Variants in KEAP1 observed in about 807,000 individuals in gnomAD.
KEAP1 encodes the protein kelch-like ECH-associated protein 1.
A neutral mutation model predicts 59.7 loss-of-function variants in KEAP1; 26 were observed. The ratio of observed to expected loss-of-function variants is 0.44; its 90% CI spans 0.32 to 0.60. The LOEUF is 0.60. Ranked by LOEUF, KEAP1 falls within the 20% of genes least tolerant of loss-of-function variation. The pLI is 0.06. For synonymous variants in KEAP1, 350 were observed against 358.3 expected, an observed-to-expected ratio of 0.98 and a Z score of 0.26; for missense variants, 539 against 871.4, an observed-to-expected ratio of 0.62 and a Z score of 4.80.
At position 10,489,256 on chromosome 19, in the gene KEAP1, G is replaced by A. The variant is rs1422272761; in HGVS notation, c.1644C>T (p.Ala548=). ...DVETETWTFV[A]PMKHRRSALG... ...GGGCACTTCGCCGGTGCTTCATGGG[G>A]GCTACGAAAGTCCACGTCTCTGTTT... Residue 548 remains alanine (A), a synonymous_variant, in exon 5 of 6, where the codon GCC becomes GCT. Coordinates refer to ENST00000171111, the MANE Select transcript of KEAP1 (RefSeq NM_203500.2). The A allele has an allele frequency of 1.2e-6, 2 of 1,613,058 alleles. No homozygotes were observed.
At chr19:10,501,846 G>C (rs561288943) in intron 1 of KEAP1, among the ~76,000 whole-genome samples, 1 of 152,146 alleles carries the variant, frequency 6.6e-6, no homozygotes, top group African/African-American at 2.4e-5. Flanking sequence ...GTGCCCAGAC[G>C]TGAGTTACGT....
Position 10,499,572 on chromosome 19 carries a change from G to A in KEAP1, c.462C>T (p.His154=), listed in dbSNP as rs1196187843. The A allele has an allele frequency of 3.6e-5, 58 of 1,614,026 alleles. No homozygotes were observed. The highest frequency in any genetic ancestry group is 4.7e-5 in the Non-Finnish European group (56 of 1,180,052). ...GGTACATGACAGCACCGTTCATGAC[G>A]TGGAGGACACACTTCTCGCCCATGG... ...SISMGEKCVL[H]VMNGAVMYQI... is the part of the protein sequence containing the mutation. The change falls in exon 2 of 6, where the codon CAC becomes CAT. Residue 154 remains histidine, a synonymous_variant. Coordinates refer to ENST00000171111, the MANE Select transcript of KEAP1 (RefSeq NM_203500.2). This position sits in a 1 kb window ranked among gnomAD's most constrained non-coding sequence, Gnocchi z 6.7.
chr19:10,488,352 C>G (rs998425415), intron 5 of KEAP1, among the ~76,000 whole-genome samples: 5 of 151,952 alleles, frequency 3.3e-5, no homozygotes, highest in African/African-American at 1.2e-4. Flanking sequence ...GTGGCTCACA[C>G]CTGTAATCCC....
In KEAP1 at chr19:10,486,501, T is replaced by G. The variant is rs1914465562; in HGVS notation, c.*151A>C. ...CATGATTCCCGCTTTGGACTTCTTT[T>G]GAGATGTCATTTTAACACTGAGGCA... On this transcript the variant is annotated 3_prime_UTR_variant, in exon 6 of 6. Coordinates refer to ENST00000171111, the MANE Select transcript of KEAP1 (RefSeq NM_203500.2). 3 of 787,920 alleles carry G rather than the reference T, an allele frequency of 3.8e-6. No homozygotes were observed. In the East Asian group the frequency reaches 7.4e-5, roughly 20 times the overall value. 48.8% of individuals were successfully genotyped at this position (787,920 alleles called of 1,614,324 possible). A position where few individuals can be genotyped will look rare whatever the true frequency, so the allele number is the denominator to read the frequency against.
chr19:10,489,093 CTAA>C (rs1402145371), intron 5 of KEAP1, 96 bp downstream of exon 5: 2 of 652,560 alleles, frequency 3.1e-6, no homozygotes, highest in Admixed American at 5.2e-5. Context: ...GACCTTGTTT[CTAA>C]AAAAAAAAAA....
rs2144599415 is a variant in KEAP1 at position 10,491,818 on chromosome 19, G to A, written c.1084C>T (p.Arg362Trp). ...WLRLADLQVP[R>W]SGLAGCVVGG... The stretch of plus-strand genomic sequence containing the variant: ...ACCACGCAGCCGGCCAGGCCGCTCC[G>A]CGGCACCTGCAGGTCCGCCAACCGG... Residue 362 changes from arginine (R) to tryptophan (W), a missense_variant, in exon 3 of 6, where the codon CGG (arginine) becomes TGG (tryptophan). Arg to Trp is a moderately radical substitution (Grantham distance 101). Around this residue, in one of 4 missense-constraint regions of KEAP1, gnomAD observed 311 missense variants for 425.2 expected, o/e 0.73. Coordinates refer to ENST00000171111, the MANE Select transcript of KEAP1 (RefSeq NM_203500.2). This position sits in a 1 kb window ranked among gnomAD's most constrained non-coding sequence, Gnocchi z 5.2. 1 of 1,601,394 alleles carries A rather than the reference G, an allele frequency of 6.2e-7. No homozygotes were observed. Among genetic ancestry groups the A allele is most frequent in the Non-Finnish European group, 8.5e-7 (1 of 1,174,334 alleles).
Position 10,491,930 on chromosome 19 carries a change from C to T in KEAP1, c.972G>A (p.Val324=), listed in dbSNP as rs1358196910. Residue 324 remains valine (V), a synonymous_variant, in exon 3 of 6, where the codon GTG becomes GTA. Transcript: ENST00000171111. This position sits in a 1 kb window ranked among gnomAD's most constrained non-coding sequence, Gnocchi z 5.2. ...TQVMPCRAPK[V]GRLIYTAGGY... ...CGCCCGCGGTGTAGATCAGGCGGCC[C>T]ACCTTGGGCGCCCGGCAGGGCATCA... 1.2e-6 allele frequency: 2 copies of T among 1,608,652 alleles called. No individual in the cohort carries two copies. The highest frequency in any genetic ancestry group is 2.2e-5 in the East Asian group (1 of 44,530).
intron 2 of KEAP1, among the ~76,000 whole-genome samples, chr19:10,493,563 T>A (rs1363166132): frequency 1.4e-5 from 2 of 142,376 alleles, no homozygotes; most frequent in Non-Finnish European, 3.1e-5. Flanking sequence ...AACTCTTTTT[T>A]TTTTTTTTTT....
rs2144624148 is a variant in KEAP1 at position 10,499,410 on chromosome 19, G to A, written c.624C>T (p.Tyr208=). ...ELHQRAREYI[Y]MHFGEVAKQE... is the part of the protein sequence containing the mutation. ...CCCCGCTCACCTCCCCAAAATGCAT[G>A]TAGATGTACTCCCGGGCACGCTGGT... is the stretch of plus-strand genomic sequence containing the variant. Residue 208 remains tyrosine, a synonymous_variant, in exon 2 of 6, where the codon TAC becomes TAT. Transcript: ENST00000171111. This position sits in a 1 kb window ranked among gnomAD's most constrained non-coding sequence, Gnocchi z 6.7. 3 of 1,605,688 alleles carry A rather than the reference G, an allele frequency of 1.9e-6. No individual in the cohort carries two copies. Among genetic ancestry groups the A allele is most frequent in the Non-Finnish European group, 2.5e-6 (3 of 1,176,558 alleles).
At position 10,496,016 on chromosome 19, in the gene KEAP1, C is replaced by T. The variant is rs945694781; in HGVS notation, c.639+3379G>A. On this transcript the variant is annotated intron_variant, in intron 2 of 5. Transcript: ENST00000171111. ...CCTGGGCAACATAGCGAGACCTCAT[C>T]TCTACCAAGAAAAGATATAAAAATT... Among the ~76,000 whole-genome samples the T allele has an allele frequency of 7.9e-5, 12 of 151,850 alleles. No homozygotes were observed. In the East Asian group the frequency reaches 2.3e-3, roughly 29 times the overall value.
intron 5 of KEAP1, 120 bp from the exon 6 acceptor site, chr19:10,486,938 TA>T: frequency 2.9e-6 from 3 of 1,031,550 alleles, no homozygotes; most frequent in Non-Finnish European, 4.2e-6. Flanking sequence ...GGCTCACGCC[TA>T]TAATCCTAGC....
chr19:10,491,556 C>T lies in KEAP1; in HGVS notation c.1325+21G>A, dbSNP rs1261353130. On this transcript the variant is annotated intron_variant, in intron 3 of 5. Coordinates refer to ENST00000171111, the MANE Select transcript of KEAP1 (RefSeq NM_203500.2). This position sits in a 1 kb window ranked among gnomAD's most constrained non-coding sequence, Gnocchi z 5.2. Reference sequence around the variant, plus strand: ...CCAGGAGCAGGACCCTCCGAGCCCACCCCCAGGCCCTGCCACTCACCTCTC... The same window carrying T: ...CCAGGAGCAGGACCCTCCGAGCCCATCCCCAGGCCCTGCCACTCACCTCTC... The T allele has an allele frequency of 6.7e-7, 1 of 1,496,908 alleles. No homozygotes were observed. Among genetic ancestry groups the T allele is most frequent in the Non-Finnish European group, 8.9e-7 (1 of 1,123,390 alleles). 92.7% of individuals were successfully genotyped at this position (1,496,908 alleles called of 1,614,324 possible).
At chr19:10,492,307 C>G in intron 2 of KEAP1, 45 bp from the exon 3 acceptor site, 1 of 1,434,836 alleles carries the variant, frequency 7.0e-7, no homozygotes, top group Non-Finnish European at 9.7e-7. Context: ...CAGTCACCCC[C>G]ACACCTCACC....
At chr19:10,494,025 T>C (rs1914767173) in intron 2 of KEAP1, among the ~76,000 whole-genome samples, 1 of 152,096 alleles carries the variant, frequency 6.6e-6, no homozygotes, top group Non-Finnish European at 1.5e-5. Context: ...CACTGTAGCC[T>C]TGAACTCCTG....
In KEAP1 at chr19:10,499,496, C is replaced by G. The variant is rs1914962782; in HGVS notation, c.538G>C (p.Asp180His). The G allele has an allele frequency of 6.2e-7, 1 of 1,614,030 alleles. No individual in the cohort carries two copies. The highest frequency in any genetic ancestry group is 8.5e-7 in the Non-Finnish European group (1 of 1,180,042). ...GCGATGCCGATGGCATTGCTGGGGT[C>G]CAGCTGCTGCACCAGGAAGTCACTG... Reference protein sequence around the residue: ...ACSDFLVQQLDPSNAIGIANF... With the variant: ...ACSDFLVQQLHPSNAIGIANF... Residue 180 changes from aspartate to histidine, a missense_variant, in exon 2 of 6, where the codon GAC (aspartate) becomes CAC (histidine). Physicochemically the swap from Asp to His is moderately conservative, Grantham distance 81. This residue lies in a region of KEAP1 where 166 missense variants were observed against 295.8 expected (regional missense o/e 0.56). Coordinates refer to ENST00000171111, the MANE Select transcript of KEAP1 (RefSeq NM_203500.2). The surrounding 1 kb of genome is among the most constrained non-coding windows in gnomAD (Gnocchi z 6.7).
At chr19:10,492,880 G>A (rs1914722191) in intron 2 of KEAP1, among the ~76,000 whole-genome samples, 1 of 151,606 alleles carries the variant, frequency 6.6e-6, no homozygotes, top group South Asian at 2.1e-4. Flanking sequence ...GGAGTGCAGT[G>A]GCATGATCTA....
At chr19:10,501,541 A>G (rs1286489921) in intron 1 of KEAP1, among the ~76,000 whole-genome samples, 1 of 150,264 alleles carries the variant, frequency 6.7e-6, no homozygotes, top group Non-Finnish European at 1.5e-5. Flanking sequence ...GAGGCGGGAG[A>G]AAGGCGTGAA....
Position 10,489,929 on chromosome 19 carries a change from CT to C in KEAP1, c.1326-77del, listed in dbSNP as rs1212329383. 24 of 1,306,286 alleles carry C rather than the reference CT, an allele frequency of 1.8e-5. 1 individual carries two copies. The highest frequency in any genetic ancestry group is 4.3e-5 in the South Asian group (3 of 70,562). 80.9% of individuals were successfully genotyped at this position (1,306,286 alleles called of 1,614,324 possible). ...GTGGAATACTTAAGGGCCAGATACT[CT>C]TTTTTTTCCTTTTTTTTTTCCCCCT... On this transcript the variant is annotated intron_variant, in intron 3 of 5. Transcript: ENST00000171111.
rs1914666057 is a variant in KEAP1, at chr19:10,491,532, C to T, written c.1325+45G>A. On this transcript the variant is annotated intron_variant, in intron 3 of 5. Coordinates refer to ENST00000171111, the MANE Select transcript of KEAP1 (RefSeq NM_203500.2). The surrounding 1 kb of genome is among the most constrained non-coding windows in gnomAD (Gnocchi z 5.2). ...CGGATCTCAGTGTCTTGGGACTTGC[C>T]AGGAGCAGGACCCTCCGAGCCCACC... 1 of 1,447,604 alleles carries T rather than the reference C, an allele frequency of 6.9e-7. No individual in the cohort carries two copies. Among genetic ancestry groups the T allele is most frequent in the African/African-American group, 1.4e-5 (1 of 70,208 alleles). The allele number at this position is 1,447,604 out of a possible 1,614,324, so 89.7% of individuals were successfully genotyped here. A position where few individuals can be genotyped will look rare whatever the true frequency, so the allele number is the denominator to read the frequency against.
Sources: allele counts gnomAD v4.1 joint callset (sites outside exome capture counted in the v4.1 genomes callset), GRCh38; gene constraint gnomAD v4.1.1; regional missense constraint gnomAD v4.1.1; non-coding constraint Gnocchi (gnomAD v3.1); transcripts MANE v1.5; gene names NCBI Gene and HGNC (gene_info 2026-07-23, HGNC 2026-07-21).